The following RNASE6 variants were observed in gnomAD, a reference collection of about 807,000 sequenced individuals.
RNASE6 encodes ribonuclease K6.
For synonymous variants in RNASE6, 64 were observed against 63.6 expected (o/e 1.01, Z -0.03); for missense variants, 197 against 181.9 (o/e 1.08, Z -0.48).
intron 1 of RNASE6, 137 bp downstream of exon 1, chr14:20,781,475 T>C (rs776578414): frequency 2.7e-4 from 139 of 522,248 alleles, no homozygotes; most frequent in Middle Eastern, 5.1e-4. Flanking sequence ...AATGCATGAG[T>C]ACTTGTGAAA....
Position 20,782,122 on chromosome 14 carries a change from G to T in RNASE6, c.423G>T (p.Leu141Phe). The change falls in exon 2 of 2, where the codon TTG becomes TTT. Residue 141 changes from leucine to phenylalanine, a missense_variant. By Grantham distance (22) the Leu-to-Phe change is conservative. Transcript: ENST00000304677. ...PPQKSDPPYK[L>F]VPVHLDSIL ...AGAAGAGCGATCCCCCCTACAAGTT[G>T]GTTCCTGTACACTTAGATAGTATTC... The T allele has an allele frequency of 6.2e-7, 1 of 1,610,268 alleles. No homozygotes were observed.
Position 20,781,795 on chromosome 14 carries a change from C to A in RNASE6, c.96C>A (p.His32Gln), listed in dbSNP as rs934268946. Reference sequence around the variant, plus strand: ...GGCCTAAGCGTCTCACCAAGGCTCACTGGTTTGAAATTCAGCATATACAGC... The same window carrying A: ...GGCCTAAGCGTCTCACCAAGGCTCAATGGTTTGAAATTCAGCATATACAGC... ...HAWPKRLTKA[H>Q]WFEIQHIQPS... The change falls in exon 2 of 2, where the codon CAC becomes CAA. Residue 32 changes from histidine to glutamine, a missense_variant. Transcript: ENST00000304677. 2 of 1,614,052 alleles carry A rather than the reference C, an allele frequency of 1.2e-6. No homozygotes were observed. Among genetic ancestry groups the A allele is most frequent in the Admixed American group, 1.7e-5 (1 of 59,990 alleles).
Position 20,781,831 on chromosome 14 carries a change from C to G in RNASE6, c.132C>G (p.Leu44=), listed in dbSNP as rs1244986165. 19 of 1,614,168 alleles carry G rather than the reference C, an allele frequency of 1.2e-5. No individual in the cohort carries two copies. Among genetic ancestry groups the G allele is most frequent in the Middle Eastern group, 1.6e-4 (1 of 6,062 alleles). The stretch of plus-strand genomic sequence containing the variant: ...TTCAGCATATACAGCCAAGTCCTCT[C>G]CAATGCAACAGGGCAATGAGTGGCA... ...FEIQHIQPSP[L]QCNRAMSGIN... Residue 44 remains leucine, a synonymous_variant, in exon 2 of 2, where the codon CTC becomes CTG. Transcript: ENST00000304677.
chr14:20,782,132 C>G lies in RNASE6; in HGVS notation c.433C>G (p.His145Asp), dbSNP rs752030521. Residue 145 changes from histidine to aspartate, a missense_variant, in exon 2 of 2, where the codon CAC becomes GAC. By Grantham distance (81) the His-to-Asp change is moderately conservative. Coordinates refer to ENST00000304677, the MANE Select transcript of RNASE6 (RefSeq NM_005615.5). The stretch of plus-strand genomic sequence containing the variant: ...TCCCCCCTACAAGTTGGTTCCTGTA[C>G]ACTTAGATAGTATTCTCTAAGGCAT... Reference protein sequence around the residue: ...SDPPYKLVPVHLDSIL With the variant: ...SDPPYKLVPVDLDSIL 4.4e-6 allele frequency: 7 copies of G among 1,604,060 alleles called. No individual in the cohort carries two copies. In the Admixed American group the frequency reaches 1.2e-4, roughly 27 times the overall value.
Position 20,782,283 on chromosome 14 carries a change from G to A in RNASE6, c.*131G>A. The A allele has an allele frequency of 1.2e-6, 1 of 864,606 alleles. No homozygotes were observed. The highest frequency in any genetic ancestry group is 2.6e-5 in the East Asian group (1 of 38,872). 53.6% of individuals were successfully genotyped at this position (864,606 alleles called of 1,614,324 possible). Reference sequence around the variant, plus strand: ...GGTGTTTGGAGAATTCGAGTGCCTAGGATGCCAGACCAGAGTTGAGACAAA... The same window carrying A: ...GGTGTTTGGAGAATTCGAGTGCCTAAGATGCCAGACCAGAGTTGAGACAAA... On this transcript the variant is annotated 3_prime_UTR_variant, in exon 2 of 2. Transcript: ENST00000304677.
intron 1 of RNASE6, 100 bp downstream of exon 1, chr14:20,781,438 A>C: frequency 4.6e-6 from 2 of 430,464 alleles, no homozygotes; most frequent in South Asian, 3.1e-5. Flanking sequence ...GGAAGAGGGA[A>C]GAAACTTTCT....
rs935577789 is a variant in RNASE6 at position 20,781,656 on chromosome 14, GCTTCTCCTACTATAACTAT to G, written c.-5-32_-5-14del. On this transcript the variant is annotated intron_variant, in intron 1 of 1. Transcript: ENST00000304677. ...TATGATTAAAAATTTTGCTCTTATT[GCTTCTCCTACTATAACTAT>G]CTTCTCTCTTTCTACACAGAAAAGA... The G allele has an allele frequency of 6.7e-7, 1 of 1,487,184 alleles. No homozygotes were observed. The highest frequency in any genetic ancestry group is 1.4e-5 in the African/African-American group (1 of 71,078). 92.1% of individuals were successfully genotyped at this position (1,487,184 alleles called of 1,614,324 possible).
Position 20,781,704 on chromosome 14 carries a change from T to C in RNASE6, c.5T>C (p.Val2Ala), listed in dbSNP as rs1329722804. M[V>A]LCFPLLLLLL... ...CTCTCTTTCTACACAGAAAAGATGG[T>C]GCTATGCTTTCCTCTTCTTTTACTG... is the stretch of plus-strand genomic sequence containing the variant. Residue 2 changes from valine to alanine, a missense_variant, in exon 2 of 2, where the codon GTG becomes GCG. Transcript: ENST00000304677. 1.9e-6 allele frequency: 3 copies of C among 1,603,740 alleles called. No homozygotes were observed. Among genetic ancestry groups the C allele is most frequent in the Non-Finnish European group, 2.6e-6 (3 of 1,174,678 alleles).
rs1162431582 is a variant in RNASE6 at position 20,782,187 on chromosome 14, T to G, written c.*35T>G. 1 of 1,493,178 alleles carries G rather than the reference T, an allele frequency of 6.7e-7. No individual in the cohort carries two copies. Among genetic ancestry groups the G allele is most frequent in the African/African-American group, 1.4e-5 (1 of 71,362 alleles). 92.5% of individuals were successfully genotyped at this position (1,493,178 alleles called of 1,614,324 possible). ...TGCATTTCCTTTCATTTGACATAGC[T>G]TCTGTTACAATTGCATCCATGTTTT... On this transcript the variant is annotated 3_prime_UTR_variant, in exon 2 of 2. Transcript: ENST00000304677.
chr14:20,782,301 G>C lies in RNASE6; in HGVS notation c.*149G>C. ...GTGCCTAGGATGCCAGACCAGAGTTGAGACAAAAAGAAATAAGATTATTTT... is the reference window on the plus strand; with the variant it reads ...GTGCCTAGGATGCCAGACCAGAGTTCAGACAAAAAGAAATAAGATTATTTT... On this transcript the variant is annotated 3_prime_UTR_variant, in exon 2 of 2. Coordinates refer to ENST00000304677, the MANE Select transcript of RNASE6 (RefSeq NM_005615.5). 1.4e-6 allele frequency: 1 copy of C among 690,312 alleles called. No individual in the cohort carries two copies. The highest frequency in any genetic ancestry group is 2.4e-6 in the Non-Finnish European group (1 of 411,740). The allele number at this position is 690,312 out of a possible 1,614,324, so 42.8% of individuals were successfully genotyped here. A position where few individuals can be genotyped will look rare whatever the true frequency, so the allele number is the denominator to read the frequency against.
Position 20,782,281 on chromosome 14 carries a change from TA to T in RNASE6, c.*130del, listed in dbSNP as rs757860026. ...AAGGTGTTTGGAGAATTCGAGTGCCTAGGATGCCAGACCAGAGTTGAGACAA... is the reference window on the plus strand; with the variant it reads ...AAGGTGTTTGGAGAATTCGAGTGCCTGGATGCCAGACCAGAGTTGAGACAA... On this transcript the variant is annotated 3_prime_UTR_variant, in exon 2 of 2. Coordinates refer to ENST00000304677, the MANE Select transcript of RNASE6 (RefSeq NM_005615.5). 2.0e-5 allele frequency: 18 copies of T among 885,376 alleles called. No homozygotes were observed. Among genetic ancestry groups the T allele is most frequent in the Non-Finnish European group, 2.9e-5 (17 of 579,700 alleles). The allele number at this position is 885,376 out of a possible 1,614,324, so 54.8% of individuals were successfully genotyped here. A position where few individuals can be genotyped will look rare whatever the true frequency, so the allele number is the denominator to read the frequency against.
Position 20,781,716 on chromosome 14 carries a change from C to T in RNASE6, c.17C>T (p.Pro6Leu), listed in dbSNP as rs116194894. 12 of 1,609,380 alleles carry T rather than the reference C, an allele frequency of 7.5e-6. No homozygotes were observed. The East Asian group carries it at 2.0e-4, about 27-fold the overall frequency. ...ACAGAAAAGATGGTGCTATGCTTTC[C>T]TCTTCTTTTACTGCTGCTGGTTCTA... Reference protein sequence around the residue: MVLCFPLLLLLLVLWG... With the variant: MVLCFLLLLLLLVLWG... Residue 6 changes from proline (P) to leucine (L), a missense_variant, in exon 2 of 2, where the codon CCT (proline) becomes CTT (leucine). By Grantham distance (98) the Pro-to-Leu change is moderately conservative. Coordinates refer to ENST00000304677, the MANE Select transcript of RNASE6 (RefSeq NM_005615.5).
At position 20,781,290 on chromosome 14, in the gene RNASE6, G is replaced by C; in HGVS notation, c.-54G>C. On this transcript the variant is annotated 5_prime_UTR_variant, in exon 1 of 2. Transcript: ENST00000304677. ...GGCAGACAACAGCTTCTGAGCTTTG[G>C]ACTAATCACAGCCTCTGTTCTCAGC... 1 of 171,522 alleles carries C rather than the reference G, an allele frequency of 5.8e-6. No individual in the cohort carries two copies. Among genetic ancestry groups the C allele is most frequent in the South Asian group, 1.3e-4 (1 of 7,542 alleles). The allele number at this position is 171,522 out of a possible 1,614,324, so 10.6% of individuals were successfully genotyped here. A position where few individuals can be genotyped will look rare whatever the true frequency, so the allele number is the denominator to read the frequency against.
Position 20,781,950 on chromosome 14 carries a change from T to C in RNASE6, c.251T>C (p.Val84Ala), listed in dbSNP as rs1254245516. ...GCTGTCTGTGATTTGCTCAGCATTG[T>C]CTGCAAAAATCGTCGGCACAACTGC... ...VAAVCDLLSI[V>A]CKNRRHNCHQ... The change falls in exon 2 of 2, where the codon GTC (valine) becomes GCC (alanine). Residue 84 changes from valine to alanine, a missense_variant. Val to Ala is a moderately conservative substitution (Grantham distance 64). Transcript: ENST00000304677. 1.2e-6 allele frequency: 2 copies of C among 1,614,232 alleles called. No homozygotes were observed. The highest frequency in any genetic ancestry group is 4.5e-5 in the East Asian group (2 of 44,894).
chr14:20,782,204 C>A lies in RNASE6; in HGVS notation c.*52C>A. 6.9e-7 allele frequency: 1 copy of A among 1,454,556 alleles called. No individual in the cohort carries two copies. The highest frequency in any genetic ancestry group is 9.3e-7 in the Non-Finnish European group (1 of 1,078,750). 90.1% of individuals were successfully genotyped at this position (1,454,556 alleles called of 1,614,324 possible). ...GACATAGCTTCTGTTACAATTGCATCCATGTTTTCTTTTCTTTTGTTGATT... is the reference window on the plus strand; with the variant it reads ...GACATAGCTTCTGTTACAATTGCATACATGTTTTCTTTTCTTTTGTTGATT... On this transcript the variant is annotated 3_prime_UTR_variant, in exon 2 of 2. Coordinates refer to ENST00000304677, the MANE Select transcript of RNASE6 (RefSeq NM_005615.5).
Position 20,782,164 on chromosome 14 carries a change from C to A in RNASE6, c.*12C>A. 1 of 1,527,112 alleles carries A rather than the reference C, an allele frequency of 6.5e-7. No individual in the cohort carries two copies. The allele number at this position is 1,527,112 out of a possible 1,614,324, so 94.6% of individuals were successfully genotyped here. A position where few individuals can be genotyped will look rare whatever the true frequency, so the allele number is the denominator to read the frequency against. On this transcript the variant is annotated 3_prime_UTR_variant, in exon 2 of 2. Transcript: ENST00000304677. ...ATAGTATTCTCTAAGGCATCCACTG[C>A]ATTTCCTTTCATTTGACATAGCTTC... is the stretch of plus-strand genomic sequence containing the variant.
Position 20,781,869 on chromosome 14 carries a change from C to T in RNASE6, c.170C>T (p.Thr57Ile). The T allele has an allele frequency of 6.2e-7, 1 of 1,614,214 alleles. No homozygotes were observed. Among genetic ancestry groups the T allele is most frequent in the East Asian group, 2.2e-5 (1 of 44,888 alleles). Reference protein sequence around the residue: ...NRAMSGINNYTQHCKHQNTFL... With the variant: ...NRAMSGINNYIQHCKHQNTFL... ...GCAATGAGTGGCATCAACAATTATA[C>T]CCAGCACTGTAAGCATCAAAATACC... Residue 57 changes from threonine (T) to isoleucine (I), a missense_variant, in exon 2 of 2, where the codon ACC (threonine) becomes ATC (isoleucine). Transcript: ENST00000304677.
rs887290910 is a variant in RNASE6, at chr14:20,781,836, G to A, written c.137G>A (p.Cys46Tyr). 6.8e-6 allele frequency: 11 copies of A among 1,614,058 alleles called. No homozygotes were observed. Among genetic ancestry groups the A allele is most frequent in the Admixed American group, 1.7e-5 (1 of 59,998 alleles). ...CATATACAGCCAAGTCCTCTCCAAT[G>A]CAACAGGGCAATGAGTGGCATCAAC... ...IQHIQPSPLQ[C>Y]NRAMSGINNY... The change falls in exon 2 of 2, where the codon TGC (cysteine) becomes TAC (tyrosine). Residue 46 changes from cysteine to tyrosine, a missense_variant. Coordinates refer to ENST00000304677, the MANE Select transcript of RNASE6 (RefSeq NM_005615.5).
chr14:20,781,691 A>G lies in RNASE6; in HGVS notation c.-5-4A>G. On this transcript the variant is annotated splice_polypyrimidine_tract_variant and splice_region_variant and intron_variant, in intron 1 of 1. Coordinates refer to ENST00000304677, the MANE Select transcript of RNASE6 (RefSeq NM_005615.5). ...CTATAACTATCTTCTCTCTTTCTAC[A>G]CAGAAAAGATGGTGCTATGCTTTCC... The G allele has an allele frequency of 6.4e-7, 1 of 1,574,026 alleles. No individual in the cohort carries two copies. The highest frequency in any genetic ancestry group is 2.2e-5 in the East Asian group (1 of 44,478).
Sources: gnomAD v4.1 joint callset for allele counts on GRCh38, gnomAD v4.1.1 for gene constraint, MANE v1.5 for transcripts, NCBI Gene and HGNC (gene_info 2026-07-23, HGNC 2026-07-21) for gene names.